The following ICAM2 variants were observed in gnomAD, a reference collection of about 807,000 sequenced individuals.
The protein encoded by ICAM2 is ICAM-2.
A neutral mutation model predicts 19.1 loss-of-function variants in ICAM2; 14 were observed. The ratio of observed to expected loss-of-function variants is 0.73; its 90% CI spans 0.48 to 1.15. The LOEUF (loss-of-function observed/expected upper bound fraction) is 1.15, where lower values mean the gene tolerates loss of function less well. ICAM2 is among the 50% of genes most tolerant of loss of function. ICAM2 has a pLI of 0.00. For missense variants in ICAM2, 311 were observed against 355.4 expected, an observed-to-expected ratio of 0.88 and a Z score of 1.00; for synonymous variants, 153 against 152.7, an observed-to-expected ratio of 1.00 and a Z score of -0.01.
intron 1 of ICAM2, among the ~76,000 whole-genome samples, chr17:64,013,263 G>A (rs1396629120): frequency 6.6e-6 from 1 of 152,158 alleles, no homozygotes; most frequent in East Asian, 1.9e-4. Flanking sequence ...AGTGAGTTGA[G>A]ATCGCACCAC....
rs1262632691 is a variant in ICAM2 at position 64,006,651 on chromosome 17, A to G, written c.41T>C (p.Phe14Ser). Residue 14 changes from phenylalanine (F) to serine (S), a missense_variant, in exon 2 of 5, where the codon TTC (phenylalanine) becomes TCC (serine). Coordinates refer to ENST00000579788, the MANE Select transcript of ICAM2 (RefSeq NM_001099789.2). Reference protein sequence around the residue: ...FGYRTLTVALFTLICCPGSDE... With the variant: ...FGYRTLTVALSTLICCPGSDE... ...CTTACCTGGACAGCAGATCAGGGTGAAGAGGGCCACAGTCAGGGTCCTGTA... is the reference window on the plus strand; with the variant it reads ...CTTACCTGGACAGCAGATCAGGGTGGAGAGGGCCACAGTCAGGGTCCTGTA... 6 of 1,614,196 alleles carry G rather than the reference A, an allele frequency of 3.7e-6. No homozygotes were observed. The South Asian group carries it at 6.6e-5, about 18-fold the overall frequency.
intron 2 of ICAM2, 58 bp downstream of exon 2, chr17:64,006,573 C>T: frequency 1.3e-6 from 2 of 1,484,386 alleles, no homozygotes; most frequent in Non-Finnish European, 1.9e-6. Context: ...GGGAACAGGG[C>T]ACCCCCACCC....
At chr17:64,019,298 T>A (rs1334887532) in intron 1 of ICAM2, among the ~76,000 whole-genome samples, 1 of 152,070 alleles carries the variant, frequency 6.6e-6, no homozygotes, top group Non-Finnish European at 1.5e-5. Flanking sequence ...GGTGGGAAGA[T>A]CACTGGATCC....
rs753330024 is a variant in ICAM2 at position 64,002,933 on chromosome 17, G to C, written c.650-8C>G. ...GGCTGTCCGACACAGGCTCTGGGGA[G>C]GGAGGGGGCAAGGGTCTTAGACGTC... On this transcript the variant is annotated splice_polypyrimidine_tract_variant and splice_region_variant and intron_variant, in intron 4 of 4. Coordinates refer to ENST00000579788, the MANE Select transcript of ICAM2 (RefSeq NM_001099789.2). The C allele has an allele frequency of 6.2e-7, 1 of 1,612,546 alleles. No homozygotes were observed. Among genetic ancestry groups the C allele is most frequent in the South Asian group, 1.1e-5 (1 of 91,020 alleles).
chr17:64,005,309 C>G lies in ICAM2; in HGVS notation c.126G>C (p.Gly42=). ...RPKKLAVEPK[G]SLEVNCSTTC... is the part of the protein sequence containing the mutation. ...TGGTGCTGCAGTTGACCTCGAGGGA[C>G]CCTTTGGGCTCAACCGCCAGCTTCT... Residue 42 remains glycine, a synonymous_variant, in exon 3 of 5, where the codon GGG becomes GGC. Coordinates refer to ENST00000579788, the MANE Select transcript of ICAM2 (RefSeq NM_001099789.2). The G allele has an allele frequency of 6.2e-7, 1 of 1,614,088 alleles. No homozygotes were observed. Among genetic ancestry groups the G allele is most frequent in the South Asian group, 1.1e-5 (1 of 91,080 alleles).
intron 1 of ICAM2, among the ~76,000 whole-genome samples, chr17:64,014,146 G>C (rs1911559886): frequency 6.6e-6 from 1 of 151,852 alleles, no homozygotes; most frequent in African/African-American, 2.4e-5. Flanking sequence ...GTTGTGCTTG[G>C]AGGGAAATCT....
chr17:64,018,739 T>TTTTTTG (rs1911821015), intron 1 of ICAM2, among the ~76,000 whole-genome samples: 1 of 89,062 alleles, frequency 1.1e-5, no homozygotes, highest in African/African-American at 3.4e-5. Context: ...TTTTTTTTTT[T>TTTTTTG]GAGACGGGGT....
chr17:64,005,958 GT>G (rs1447280075), intron 2 of ICAM2: 2 of 160,568 alleles, frequency 1.2e-5, no homozygotes, highest in African/African-American at 4.8e-5. Context: ...GGAGCAGGGA[GT>G]GGGGGTGAGG....
At chr17:64,017,484 T>G (rs1911760637) in intron 1 of ICAM2, among the ~76,000 whole-genome samples, 1 of 152,208 alleles carries the variant, frequency 6.6e-6, no homozygotes, top group African/African-American at 2.4e-5. Context: ...CACATGTTCA[T>G]GGATAGGAAA....
rs1292792288 is a variant in ICAM2 at position 64,020,412 on chromosome 17, GA to G, written c.-45+110del. ...CCCCAACCCCTGCACTTACCAGCGAGAAACTGAGACCCAGAGAGGGGAACGG... is the reference window on the plus strand; with the variant it reads ...CCCCAACCCCTGCACTTACCAGCGAGAACTGAGACCCAGAGAGGGGAACGG... On this transcript the variant is annotated intron_variant, in intron 1 of 4. Coordinates refer to ENST00000579788, the MANE Select transcript of ICAM2 (RefSeq NM_001099789.2). 2.0e-5 allele frequency: 3 copies of G among 152,508 alleles called. No homozygotes were observed. In the East Asian group the frequency reaches 5.8e-4, roughly 29 times the overall value. 9.4% of individuals were successfully genotyped at this position (152,508 alleles called of 1,614,324 possible).
At chr17:64,003,426 C>T (rs904191596) in intron 4 of ICAM2, 17 of 577,182 alleles carry the variant, frequency 2.9e-5, no homozygotes, top group Admixed American at 9.2e-5. Flanking sequence ...TGATGGTGGC[C>T]GAGGAACTAG....
intron 1 of ICAM2, among the ~76,000 whole-genome samples, chr17:64,014,560 AAAG>A (rs1221487200): frequency 6.8e-6 from 1 of 146,070 alleles, no homozygotes; most frequent in Non-Finnish European, 1.5e-5. Flanking sequence ...AGGAAGAAAG[AAAG>A]AGAGAGAGAA....
chr17:64,012,943 A>G (rs1040370573), intron 1 of ICAM2, among the ~76,000 whole-genome samples: 2 of 152,224 alleles, frequency 1.3e-5, no homozygotes, highest in Admixed American at 1.3e-4. Flanking sequence ...CAGTAGAGAT[A>G]AAGTATATAA....
Position 64,002,642 on chromosome 17 carries a change from C to A in ICAM2, c.*105G>T. The A allele has an allele frequency of 5.8e-6, 6 of 1,031,960 alleles. No homozygotes were observed. Among genetic ancestry groups the A allele is most frequent in the Non-Finnish European group, 8.5e-6 (6 of 705,930 alleles). 63.9% of individuals were successfully genotyped at this position (1,031,960 alleles called of 1,614,324 possible). Reference sequence around the variant, plus strand: ...GGCTAGAAAAGGCAATGTCCCAAGTCTCTGCTGCCTGTCACAGTCCTTCAG... The same window carrying A: ...GGCTAGAAAAGGCAATGTCCCAAGTATCTGCTGCCTGTCACAGTCCTTCAG... On this transcript the variant is annotated 3_prime_UTR_variant, in exon 5 of 5. Coordinates refer to ENST00000579788, the MANE Select transcript of ICAM2 (RefSeq NM_001099789.2).
At chr17:64,007,946 C>T (rs566322214) in intron 1 of ICAM2, 6 of 152,282 alleles carry the variant, frequency 3.9e-5, no homozygotes, top group Non-Finnish European at 7.3e-5. Flanking sequence ...CTTTTGCAAC[C>T]AGGCAGGGAA....
At chr17:64,003,013 G>T in intron 4 of ICAM2, 88 bp from the exon 5 acceptor site, 1 of 1,208,622 alleles carries the variant, frequency 8.3e-7, no homozygotes, top group Non-Finnish European at 1.2e-6. Flanking sequence ...CCCCAACCCA[G>T]ACCCCCAGAC....
chr17:64,018,574 T>C (rs1382743459), intron 1 of ICAM2, among the ~76,000 whole-genome samples: 1 of 152,002 alleles, frequency 6.6e-6, no homozygotes, highest in Non-Finnish European at 1.5e-5. Flanking sequence ...AGAGTGTATA[T>C]TGGTGCTCTC....
At chr17:64,006,780 C>T in intron 1 of ICAM2, 45 bp from the exon 2 acceptor site, 1 of 1,174,308 alleles carries the variant, frequency 8.5e-7, no homozygotes, top group African/African-American at 1.5e-5. Flanking sequence ...GGCCCAGAAT[C>T]CCTAGCCTTC....
intron 1 of ICAM2, among the ~76,000 whole-genome samples, chr17:64,012,329 G>A (rs1911488217): frequency 6.6e-6 from 1 of 152,146 alleles, no homozygotes; most frequent in African/African-American, 2.4e-5. Context: ...TGGGCAAGGT[G>A]GCTCATGCCT....
Sources: gnomAD v4.1 joint callset for allele counts (sites outside exome capture counted in the v4.1 genomes callset) on GRCh38, gnomAD v4.1.1 for gene constraint, MANE v1.5 for transcripts, NCBI Gene and HGNC (gene_info 2026-07-23, HGNC 2026-07-21) for gene names.